The following NEBL variants were observed in gnomAD, a reference collection of about 807,000 sequenced individuals.
NEBL encodes the protein LIM and SH3 protein 2.
NEBL carries 122 observed loss-of-function variants against 140.2 expected under a neutral mutation model. The ratio of observed to expected loss-of-function variants is 0.87; its 90% confidence interval spans 0.75 to 1.01. The LOEUF is 1.01. Among genes scored for constraint, NEBL ranks in the 50% least tolerant of loss-of-function variants. The probability of loss-of-function intolerance (pLI) is 0.00; values close to 1 mark genes in which losing one functional copy is unlikely to be tolerated. For synonymous variants in NEBL, 436 were observed against 398.9 expected, an observed-to-expected ratio of 1.09 and a Z score of -1.11; for missense variants, 1,365 against 1,231.3, an observed-to-expected ratio of 1.11 and a Z score of -1.62.
intron 4 of NEBL, among the ~76,000 whole-genome samples, chr10:20,948,995 T>A (rs1835312334): frequency 6.6e-6 from 1 of 152,198 alleles, no homozygotes; most frequent in Non-Finnish European, 1.5e-5. Flanking sequence ...AACACATATG[T>A]CACATGTGCA....
At chr10:21,069,163 A>G (rs1205470949) in intron 2 of NEBL, among the ~76,000 whole-genome samples, 1 of 152,190 alleles carries the variant, frequency 6.6e-6, no homozygotes, top group Non-Finnish European at 1.5e-5. Context: ...TGTTGGGATT[A>G]CAGTCATGAG....
intron 2 of NEBL, among the ~76,000 whole-genome samples, chr10:21,084,929 C>T (rs1282279700): frequency 6.6e-6 from 1 of 152,112 alleles, no homozygotes; most frequent in Non-Finnish European, 1.5e-5. Context: ...CATGGCTAGC[C>T]CTGTTGCACA....
At chr10:21,061,887 G>C (rs931082422) in intron 2 of NEBL, among the ~76,000 whole-genome samples, 1 of 152,152 alleles carries the variant, frequency 6.6e-6, no homozygotes, top group Admixed American at 6.6e-5. Flanking sequence ...ACAATAATTT[G>C]TACATTGCTG....
chr10:21,275,616 A>G (rs1165822359), intron 1 of NEBL, among the ~76,000 whole-genome samples: 1 of 148,106 alleles, frequency 6.8e-6, no homozygotes, highest in Non-Finnish European at 1.5e-5. Flanking sequence ...CTGAACTAAC[A>G]TAGACTCATC....
chr10:20,882,754 T>C (rs960534714), intron 4 of NEBL, among the ~76,000 whole-genome samples: 7 of 151,930 alleles, frequency 4.6e-5, no homozygotes, highest in African/African-American at 1.7e-4. Context: ...AAAAAAAATG[T>C]CATCTGGTAT....
chr10:21,077,793 A>G (rs1836169888), intron 2 of NEBL, among the ~76,000 whole-genome samples: 1 of 152,018 alleles, frequency 6.6e-6, no homozygotes, highest in Non-Finnish European at 1.5e-5. Context: ...CCACACACCT[A>G]GGAAGTGGGA....
chr10:21,230,469 A>G (rs909898027), intron 3 of NEBL, among the ~76,000 whole-genome samples: 2 of 152,200 alleles, frequency 1.3e-5, no homozygotes, highest in African/African-American at 4.8e-5. Flanking sequence ...ATTAAAATGT[A>G]AATTACTATG....
intron 4 of NEBL, among the ~76,000 whole-genome samples, chr10:20,912,761 C>G (rs551575629): frequency 1.3e-5 from 2 of 152,054 alleles, no homozygotes; most frequent in African/African-American, 4.8e-5. Flanking sequence ...GAATTATATA[C>G]GCAGTTGTTG....
chr10:20,809,030 A>C (rs1457185941), intron 25 of NEBL, among the ~76,000 whole-genome samples: 1 of 152,206 alleles, frequency 6.6e-6, no homozygotes, highest in African/African-American at 2.4e-5. Flanking sequence ...TATTTTTAGA[A>C]AATCAAGTGA....
intron 7 of NEBL, among the ~76,000 whole-genome samples, chr10:20,863,497 A>G (rs1042155439): frequency 1.2e-4 from 18 of 152,230 alleles, no homozygotes; most frequent in Non-Finnish European, 2.1e-4. Context: ...AAAAGCTGTC[A>G]AGGAAGACAG....
intron 2 of NEBL, chr10:21,029,278 C>T: frequency 6.2e-7 from 1 of 1,601,886 alleles, no homozygotes; most frequent in South Asian, 1.1e-5. Context: ...TCCCAAATCG[C>T]CACCCTACAC....
intron 2 of NEBL, among the ~76,000 whole-genome samples, chr10:21,096,715 A>G (rs980370817): frequency 7.9e-5 from 12 of 152,044 alleles, no homozygotes; most frequent in Non-Finnish European, 1.6e-4. Flanking sequence ...AAGTCTCACT[A>G]TGTTGCCCAA....
intron 7 of NEBL, among the ~76,000 whole-genome samples, chr10:20,860,053 C>A (rs1843516737): frequency 6.6e-6 from 1 of 152,068 alleles, no homozygotes; most frequent in Non-Finnish European, 1.5e-5. Flanking sequence ...GAACTCAAAT[C>A]CTATTAATGA....
intron 4 of NEBL, among the ~76,000 whole-genome samples, chr10:20,942,464 C>T (rs1421112502): frequency 6.6e-6 from 1 of 152,024 alleles, no homozygotes; most frequent in African/African-American, 2.4e-5. Flanking sequence ...ACTTAAATGT[C>T]AGAACTAAAA....
intron 26 of NEBL, among the ~76,000 whole-genome samples, chr10:20,796,364 C>CAAG (rs1564331642): frequency 2.3e-4 from 1 of 4,388 alleles, no homozygotes; most frequent in African/African-American, 9.8e-4. Flanking sequence ...CAGTCTAAAA[C>CAAG]AAGAAAAAAA....
At chr10:20,988,882 G>A (rs1430845874) in intron 3 of NEBL, among the ~76,000 whole-genome samples, 5 of 152,300 alleles carry the variant, frequency 3.3e-5, no homozygotes, top group African/African-American at 7.2e-5. Context: ...GAGTTGAACC[G>A]ACCCTTCTTG....
chr10:21,002,969 G>A (rs1429532577), intron 3 of NEBL, among the ~76,000 whole-genome samples: 1 of 147,502 alleles, frequency 6.8e-6, no homozygotes, highest in African/African-American at 2.5e-5. Flanking sequence ...ATCATGATGG[G>A]TTTAATAACA....
intron 1 of NEBL, among the ~76,000 whole-genome samples, chr10:21,172,824 A>G (rs1398084966): frequency 6.6e-6 from 1 of 152,148 alleles, no homozygotes; most frequent in African/African-American, 2.4e-5. Context: ...AACCAAAAGG[A>G]ATCCAGTTCA....
chr10:20,991,138 T>A (rs1837439636), intron 3 of NEBL, among the ~76,000 whole-genome samples: 1 of 152,184 alleles, frequency 6.6e-6, no homozygotes, highest in African/African-American at 2.4e-5. Flanking sequence ...ATTTAACAAT[T>A]TTCTCTGCAG....
Sources: allele counts gnomAD v4.1 joint callset (sites outside exome capture counted in the v4.1 genomes callset), GRCh38; gene constraint gnomAD v4.1.1; transcripts MANE v1.5; gene names NCBI Gene and HGNC (gene_info 2026-07-23, HGNC 2026-07-21).